Variants in RRAS2 observed in about 807,000 individuals in gnomAD.
RRAS2 encodes RAS related 2.
In RRAS2, 7 loss-of-function variants were observed where a neutral mutation model predicts 27.6. That is an observed-to-expected ratio of 0.25 (90% CI 0.14 to 0.48). The LOEUF (loss-of-function observed/expected upper bound fraction) is 0.48, where lower values mean the gene tolerates loss of function less well. Among genes scored for constraint, RRAS2 ranks in the 20% least tolerant of loss-of-function variants. RRAS2 has a pLI of 0.99. For synonymous variants in RRAS2, 86 were observed against 90.9 expected (o/e 0.95, Z 0.31); for missense variants, 178 against 256.2 (o/e 0.69, Z 2.08).
chr11:14,297,695 G>A (rs1421711618), intron 1 of RRAS2, among the ~76,000 whole-genome samples: 8 of 152,114 alleles, frequency 5.3e-5, no homozygotes, highest in African/African-American at 1.9e-4. Flanking sequence ...CCAGGAGTTC[G>A]AGGTTACAGT....
intron 5 of RRAS2, among the ~76,000 whole-genome samples, chr11:14,280,801 A>G (rs1849512089): frequency 6.6e-6 from 1 of 150,916 alleles, no homozygotes. Context: ...ACTAGCAGAG[A>G]ATCCCAGATC....
chr11:14,362,354 T>A (rs1471671673), upstream of RRAS2, among the ~76,000 whole-genome samples: 1 of 152,100 alleles, frequency 6.6e-6, no homozygotes, highest in Non-Finnish European at 1.5e-5. Flanking sequence ...TTATTTTTTT[T>A]ATTTGACTCA....
intron 1 of RRAS2, among the ~76,000 whole-genome samples, chr11:14,302,463 C>T (rs1479194299): frequency 1.3e-5 from 2 of 152,172 alleles, no homozygotes; most frequent in African/African-American, 4.8e-5. Context: ...AGCCATCCTA[C>T]TTGCTAGCTG....
At chr11:14,327,300 AGAGAG>A (rs1408575172) in intron 1 of RRAS2, among the ~76,000 whole-genome samples, 1 of 152,224 alleles carries the variant, frequency 6.6e-6, no homozygotes, top group African/African-American at 2.4e-5. Context: ...AAATAGCTGA[AGAGAG>A]GATGGTCAAA....
At chr11:14,279,841 T>C (rs1328812069) in intron 5 of RRAS2, among the ~76,000 whole-genome samples, 1 of 152,258 alleles carries the variant, frequency 6.6e-6, no homozygotes, top group Non-Finnish European at 1.5e-5. Context: ...TGACCTAGTC[T>C]GAGCCCCAGT....
At chr11:14,344,531 A>T (rs1187471172) in intron 1 of RRAS2, among the ~76,000 whole-genome samples, 2 of 152,180 alleles carry the variant, frequency 1.3e-5, no homozygotes, top group African/African-American at 4.8e-5. Flanking sequence ...TTAAACATTA[A>T]ATCTACCACA....
chr11:14,307,233 C>CA (rs1299265682), intron 1 of RRAS2, among the ~76,000 whole-genome samples: 16 of 120,518 alleles, frequency 1.3e-4, no homozygotes, highest in Non-Finnish European at 2.5e-4. Flanking sequence ...AAAACAACAA[C>CA]AACAAAAAAA....
intron 1 of RRAS2, among the ~76,000 whole-genome samples, chr11:14,300,153 G>A (rs905863023): frequency 2.0e-5 from 3 of 152,202 alleles, no homozygotes; most frequent in Non-Finnish European, 2.9e-5. Context: ...GGGAAAGGAA[G>A]GGTGGAGGAT....
chr11:14,341,595 A>AC (rs1270898528), intron 1 of RRAS2, among the ~76,000 whole-genome samples: 1 of 152,156 alleles, frequency 6.6e-6, no homozygotes, highest in East Asian at 1.9e-4. Flanking sequence ...GGACCAAAAA[A>AC]AAAATAAAAA....
At chr11:14,312,231 A>T (rs974177423) in intron 1 of RRAS2, among the ~76,000 whole-genome samples, 3 of 152,234 alleles carry the variant, frequency 2.0e-5, no homozygotes, top group African/African-American at 7.2e-5. Flanking sequence ...GAATTACAGC[A>T]TATCTATCAC....
At chr11:14,317,603 G>A (rs762649446) in intron 1 of RRAS2, among the ~76,000 whole-genome samples, 54 of 152,098 alleles carry the variant, frequency 3.6e-4, no homozygotes, top group Non-Finnish European at 5.7e-4. Context: ...AATCTTAAAA[G>A]GCAAGATGAA....
intron 1 of RRAS2, among the ~76,000 whole-genome samples, chr11:14,329,541 T>C (rs1848443367): frequency 6.6e-6 from 1 of 152,214 alleles, no homozygotes; most frequent in African/African-American, 2.4e-5. Flanking sequence ...TAATCTTGTA[T>C]TTTCTTTCCT....
chr11:14,330,937 T>A (rs903799927), intron 1 of RRAS2, among the ~76,000 whole-genome samples: 4 of 152,222 alleles, frequency 2.6e-5, no homozygotes, highest in African/African-American at 9.6e-5. Flanking sequence ...TTTGCTTGTT[T>A]TAGAGACAGT....
At chr11:14,313,880 G>A (rs1014614337) in intron 1 of RRAS2, among the ~76,000 whole-genome samples, 5 of 152,164 alleles carry the variant, frequency 3.3e-5, no homozygotes, top group African/African-American at 9.7e-5. Context: ...TGTTACAGCA[G>A]ACCTAGGAAA....
chr11:14,322,272 A>G (rs1848242570), intron 1 of RRAS2, among the ~76,000 whole-genome samples: 1 of 136,332 alleles, frequency 7.3e-6, no homozygotes, highest in African/African-American at 2.5e-5. Flanking sequence ...CTCTACCAAA[A>G]ATACAAAAAA....
chr11:14,352,017 A>G (rs1455168413), intron 1 of RRAS2, among the ~76,000 whole-genome samples: 1 of 152,224 alleles, frequency 6.6e-6, no homozygotes, highest in Non-Finnish European at 1.5e-5. Context: ...TAAAAACCAT[A>G]TATTGCAGGG....
intron 4 of RRAS2, among the ~76,000 whole-genome samples, chr11:14,293,041 G>C (rs1847445335): frequency 6.7e-6 from 1 of 149,694 alleles, no homozygotes; most frequent in Non-Finnish European, 1.5e-5. Flanking sequence ...CCGGGAGGCA[G>C]AGCTTGCAGT....
intron 1 of RRAS2, among the ~76,000 whole-genome samples, chr11:14,314,053 A>T (rs116907497): frequency 0.022 from 3,290 of 152,328 alleles, 56 homozygotes; most frequent in Non-Finnish European, 0.035. Flanking sequence ...AAACTATAAA[A>T]TTCACCTTTA....
At chr11:14,328,647 A>C (rs1848418352) in intron 1 of RRAS2, among the ~76,000 whole-genome samples, 1 of 152,102 alleles carries the variant, frequency 6.6e-6, no homozygotes, top group Admixed American at 6.6e-5. Flanking sequence ...AAATTAATGC[A>C]GATGCAATAC....
Sources: gnomAD v4.1 joint callset for allele counts (sites outside exome capture counted in the v4.1 genomes callset) on GRCh38, gnomAD v4.1.1 for gene constraint, MANE v1.5 for transcripts, NCBI Gene and HGNC (gene_info 2026-07-23, HGNC 2026-07-21) for gene names.